GAD1: variants seen among roughly 807,000 people sequenced by gnomAD.
GAD1 encodes 67 kDa glutamic acid decarboxylase.
Under a neutral mutation model 75.2 loss-of-function variants are expected in GAD1, and 35 were observed. The observed-to-expected ratio is 0.47, with a 90% CI of 0.36 to 0.62. The LOEUF is 0.62. GAD1 is among the 20% of genes least tolerant of loss of function. The pLI is 0.00. For missense variants in GAD1, 490 were observed against 758.5 expected, an observed-to-expected ratio of 0.65 and a Z score of 4.16; for synonymous variants, 257 against 271.9, an observed-to-expected ratio of 0.95 and a Z score of 0.54.
chr2:170,817,791 C>A lies in GAD1; in HGVS notation c.-63-738C>A, dbSNP rs45602337. 618 of 152,538 alleles carry A rather than the reference C, an allele frequency of 4.1e-3. 4 individuals are homozygous for A. Among genetic ancestry groups the A allele is most frequent in the Non-Finnish European group, 5.7e-3 (390 of 68,138 alleles). The allele number at this position is 152,538 out of a possible 1,614,324, so 9.4% of individuals were successfully genotyped here. On this transcript the variant is annotated intron_variant, in intron 1 of 16. Coordinates refer to ENST00000358196, the MANE Select transcript of GAD1 (RefSeq NM_000817.3). ...GCTAGGTAGAGGAGAAACGCTGAAA[C>A]CGGACCGAAACCTCGCCCTAGGCTT...
At chr2:170,847,835 G>A in intron 11 of GAD1, 43 bp downstream of exon 11, 1 of 1,328,426 alleles carries the variant, frequency 7.5e-7, no homozygotes, top group Non-Finnish European at 1.1e-6. Context: ...GGGGGGTGGA[G>A]GCACCTCTTT....
At chr2:170,859,270 G>A (rs951930485) in intron 16 of GAD1, among the ~76,000 whole-genome samples, 2 of 152,016 alleles carry the variant, frequency 1.3e-5, no homozygotes, top group Admixed American at 1.3e-4. Context: ...CATTCTAACT[G>A]TTTTCTATAT....
chr2:170,828,284 G>GCCGTCCTCACCCTCCTCCCT (rs1559271954), intron 3 of GAD1, among the ~76,000 whole-genome samples: 1 of 112,372 alleles, frequency 8.9e-6, no homozygotes, highest in East Asian at 2.8e-4. Context: ...CCTTCCCTCT[G>GCCGTCCTCACCCTCCTCCCT]CTGTCCTCAC....
Position 170,829,521 on chromosome 2 carries a change from G to A in GAD1, c.192G>A (p.Val64=). Residue 64 remains valine (V), a synonymous_variant, in exon 4 of 17, where the codon GTG becomes GTA. Coordinates refer to ENST00000358196, the MANE Select transcript of GAD1 (RefSeq NM_000817.3). ...GCCTGGAAGAGAAGAGTCGCCTTGTGAGTGCCTTCAAGGAGAGGCAATCCT... is the reference window on the plus strand; with the variant it reads ...GCCTGGAAGAGAAGAGTCGCCTTGTAAGTGCCTTCAAGGAGAGGCAATCCT... ...TNSLEEKSRL[V]SAFKERQSSK... 6.2e-7 allele frequency: 1 copy of A among 1,613,786 alleles called. No homozygotes were observed. The highest frequency in any genetic ancestry group is 1.1e-5 in the South Asian group (1 of 91,060).
chr2:170,819,150 C>T (rs1701797729), intron 2 of GAD1, among the ~76,000 whole-genome samples: 1 of 152,108 alleles, frequency 6.6e-6, no homozygotes, highest in East Asian at 1.9e-4. Flanking sequence ...ACGTTAATTG[C>T]AGCTTTTAGA....
chr2:170,855,375 A>C (rs950836993), intron 14 of GAD1, among the ~76,000 whole-genome samples: 1 of 151,508 alleles, frequency 6.6e-6, no homozygotes, highest in African/African-American at 2.4e-5. Context: ...TGCCCATCTA[A>C]TTTTATATTT....
In GAD1 at chr2:170,854,113, T is replaced by C. The variant is rs993108710; in HGVS notation, c.1413+91T>C. Reference sequence around the variant, plus strand: ...GGGGCAAAGATATATCACAGATAATTCACTATATGGGGAATCAATATCTAG... The same window carrying C: ...GGGGCAAAGATATATCACAGATAATCCACTATATGGGGAATCAATATCTAG... On this transcript the variant is annotated intron_variant, in intron 14 of 16. Coordinates refer to ENST00000358196, the MANE Select transcript of GAD1 (RefSeq NM_000817.3). 13 of 1,297,358 alleles carry C rather than the reference T, an allele frequency of 1.0e-5. No homozygotes were observed. In the East Asian group the frequency reaches 2.5e-4, roughly 25 times the overall value. The allele number at this position is 1,297,358 out of a possible 1,614,324, so 80.4% of individuals were successfully genotyped here.
chr2:170,824,378 T>TACACACACAC lies in GAD1; in HGVS notation c.145+2262_145+2271dup, dbSNP rs10529529. Among the ~76,000 whole-genome samples the TACACACACAC allele has an allele frequency of 1.9e-3, 281 of 146,410 alleles. 2 individuals are homozygous for TACACACACAC. The highest frequency in any genetic ancestry group is 5.2e-3 in the African/African-American group (202 of 39,202). ...CTGGGTCCACAGCTCCCTGCCTGCC[T>TACACACACAC]ACACACACACACACACACACACACA... is the stretch of plus-strand genomic sequence containing the variant. On this transcript the variant is annotated intron_variant, in intron 3 of 16. Transcript: ENST00000358196.
Position 170,818,794 on chromosome 2 carries a change from TAAATG to T in GAD1, c.82+122_82+126del. The T allele has an allele frequency of 1.0e-6, 1 of 953,194 alleles. No homozygotes were observed. The highest frequency in any genetic ancestry group is 1.7e-6 in the Non-Finnish European group (1 of 593,318). 59.0% of individuals were successfully genotyped at this position (953,194 alleles called of 1,614,324 possible). A position where few individuals can be genotyped will look rare whatever the true frequency, so the allele number is the denominator to read the frequency against. ...CGCGGAGATAATGGAGGCTGGGAAATAAATGGGGCTCTGACCCCGTCCCTGCCAGA... is the reference window on the plus strand; with the variant it reads ...CGCGGAGATAATGGAGGCTGGGAAATGGGCTCTGACCCCGTCCCTGCCAGA... On this transcript the variant is annotated intron_variant, in intron 2 of 16. Transcript: ENST00000358196. This position sits in a 1 kb window ranked among gnomAD's most constrained non-coding sequence, Gnocchi z 5.9.
At chr2:170,825,396 A>AAAAC (rs1437977343) in intron 3 of GAD1, among the ~76,000 whole-genome samples, 1 of 152,196 alleles carries the variant, frequency 6.6e-6, no homozygotes, top group African/African-American at 2.4e-5. Context: ...CCCTGTCTCA[A>AAAAC]AAACAAACAA....
chr2:170,825,075 A>G (rs910440215), intron 3 of GAD1, among the ~76,000 whole-genome samples: 2 of 152,146 alleles, frequency 1.3e-5, no homozygotes, highest in Non-Finnish European at 2.9e-5. Flanking sequence ...GAAACATGGC[A>G]GGTGCTGTTA....
chr2:170,828,029 C>T (rs530035353), intron 3 of GAD1, among the ~76,000 whole-genome samples: 15 of 151,470 alleles, frequency 9.9e-5, no homozygotes, highest in African/African-American at 3.4e-4. Flanking sequence ...GACCTCACTA[C>T]TTCTCCTTCT....
chr2:170,816,399 C>A (rs1380625836), upstream of GAD1: 1 of 152,228 alleles, frequency 6.6e-6, no homozygotes, highest in Non-Finnish European at 1.5e-5. Context: ...CGACCCAAAG[C>A]GCGCTTTCGC....
chr2:170,831,271 C>T (rs1702216460), intron 5 of GAD1, 79 bp downstream of exon 5: 1 of 1,502,162 alleles, frequency 6.7e-7, no homozygotes, highest in African/African-American at 1.4e-5. Context: ...GGATATCAAA[C>T]TTGTGTTGGA....
chr2:170,849,447 T>C lies in GAD1; in HGVS notation c.1184+97T>C. ...CACCACCCTGCCCTGATCCCCAGCATCATATTTCGGTCTAAGTTTGCTTCA... is the reference window on the plus strand; with the variant it reads ...CACCACCCTGCCCTGATCCCCAGCACCATATTTCGGTCTAAGTTTGCTTCA... On this transcript the variant is annotated intron_variant, in intron 12 of 16. Coordinates refer to ENST00000358196, the MANE Select transcript of GAD1 (RefSeq NM_000817.3). 3.4e-6 allele frequency: 4 copies of C among 1,170,394 alleles called. No homozygotes were observed. In the South Asian group the frequency reaches 5.1e-5, roughly 15 times the overall value. 72.5% of individuals were successfully genotyped at this position (1,170,394 alleles called of 1,614,324 possible).
upstream of GAD1, among the ~76,000 whole-genome samples, chr2:170,813,772 T>A (rs1428092449): frequency 6.6e-6 from 1 of 152,200 alleles, no homozygotes; most frequent in East Asian, 1.9e-4. Flanking sequence ...ATAAAGGGCA[T>A]TGTGGGCGGA....
rs180741273 is a variant in GAD1, at chr2:170,834,571, C to T, written c.548-2222C>T. On this transcript the variant is annotated intron_variant, in intron 5 of 16. Transcript: ENST00000358196. ...ATTTGTAGATATGCTGGACTCCCTT[C>T]GTTGTTCTTTTTAAAACTTTTTCTT... Among the ~76,000 whole-genome samples, 396 of 152,282 alleles carry T rather than the reference C, an allele frequency of 2.6e-3. 10 individuals are homozygous for T. Among genetic ancestry groups the T allele is most frequent in the Admixed American group, 0.024 (365 of 15,302 alleles).
At chr2:170,821,488 C>T (rs1024753520) in intron 2 of GAD1, among the ~76,000 whole-genome samples, 14 of 152,150 alleles carry the variant, frequency 9.2e-5, no homozygotes, top group Admixed American at 6.5e-4. Flanking sequence ...TTGTCTTCCC[C>T]ACTCCCCGGT....
At chr2:170,835,347 G>A (rs4668327) in intron 5 of GAD1, among the ~76,000 whole-genome samples, 37,954 of 151,902 alleles carry the variant, frequency 0.25, 4,857 homozygotes, top group South Asian at 0.35. Flanking sequence ...GGAAAACTTT[G>A]CTTTAAAAAA....
Sources: allele counts gnomAD v4.1 joint callset (sites outside exome capture counted in the v4.1 genomes callset), GRCh38; gene constraint gnomAD v4.1.1; non-coding constraint Gnocchi (gnomAD v3.1); transcripts MANE v1.5; gene names NCBI Gene and HGNC (gene_info 2026-07-23, HGNC 2026-07-21).